The following DGKB variants were observed in gnomAD, a reference collection of about 807,000 sequenced individuals.
DGKB encodes diacylglycerol kinase beta, also known as 90 kDa diacylglycerol kinase.
In DGKB, 67 loss-of-function variants were observed where a neutral mutation model predicts 114.3. The observed-to-expected ratio is 0.59, with a 90% confidence interval of 0.48 to 0.72. The LOEUF (loss-of-function observed/expected upper bound fraction) is 0.72, where lower values mean the gene tolerates loss of function less well. Ranked by LOEUF, DGKB falls within the 30% of genes least tolerant of loss-of-function variation. DGKB has a pLI of 0.00. For synonymous variants in DGKB, 398 were observed against 323.1 expected (o/e 1.23, Z -2.49); for missense variants, 907 against 975.2 (o/e 0.93, Z 0.93).
intron 4 of DGKB, chr7:14,750,120 A>T (rs764653875): frequency 3.9e-6 from 2 of 518,256 alleles, no homozygotes; most frequent in Non-Finnish European, 7.7e-6. Context: ...TAAGGCTCAG[A>T]AAAGTTCCTT....
At chr7:14,285,033 TA>T (rs5882438) in intron 23 of DGKB, among the ~76,000 whole-genome samples, 114,879 of 151,670 alleles carry the variant, frequency 0.76, 44,393 homozygotes, top group South Asian at 0.85. Context: ...AAAAAAATAA[TA>T]AAAAAAAGAA....
At chr7:14,251,590 G>T (rs1050717877) in intron 23 of DGKB, among the ~76,000 whole-genome samples, 1 of 152,018 alleles carries the variant, frequency 6.6e-6, no homozygotes, top group Non-Finnish European at 1.5e-5. Context: ...TACCTTTATA[G>T]GGAGTTTTAT....
At chr7:14,603,435 G>A (rs1295682013) in intron 17 of DGKB, among the ~76,000 whole-genome samples, 1 of 152,038 alleles carries the variant, frequency 6.6e-6, no homozygotes, top group African/African-American at 2.4e-5. Context: ...AGAGGCATAT[G>A]TAAAAGGTCA....
chr7:14,177,581 T>C (rs1418448077), intron 24 of DGKB, among the ~76,000 whole-genome samples: 2 of 105,994 alleles, frequency 1.9e-5, no homozygotes, highest in Non-Finnish European at 4.0e-5. Context: ...AAAAAAAAAA[T>C]TGGGGGGAAA....
At chr7:14,362,347 C>G (rs972429095) in intron 21 of DGKB, among the ~76,000 whole-genome samples, 1 of 151,960 alleles carries the variant, frequency 6.6e-6, no homozygotes, top group Non-Finnish European at 1.5e-5. Context: ...TCATTTGAGA[C>G]AGATGAGAAC....
chr7:14,177,554 CAAAAAAA>C (rs56019837), intron 24 of DGKB, among the ~76,000 whole-genome samples: 30 of 69,022 alleles, frequency 4.3e-4, no homozygotes, highest in African/African-American at 1.6e-3. Flanking sequence ...AACTCCGTCT[CAAAAAAA>C]AAAAAAAAAA....
At chr7:14,302,426 G>A (rs1428124931) in intron 23 of DGKB, among the ~76,000 whole-genome samples, 1 of 152,034 alleles carries the variant, frequency 6.6e-6, no homozygotes, top group East Asian at 1.9e-4. Flanking sequence ...ATGTTAAATT[G>A]TAAGTTAGAT....
chr7:14,582,939 C>G, intron 18 of DGKB, 113 bp downstream of exon 18: 1 of 769,752 alleles, frequency 1.3e-6, no homozygotes, highest in South Asian at 1.5e-5. Context: ...TTCCAGATGT[C>G]CAATTATATC....
chr7:14,556,584 A>AT (rs903833164), intron 20 of DGKB, among the ~76,000 whole-genome samples: 39 of 151,982 alleles, frequency 2.6e-4, no homozygotes, highest in African/African-American at 9.2e-4. Flanking sequence ...AAAAGCTTAA[A>AT]TTTTTTTCAA....
chr7:14,958,472 CA>C, intron 1 of DGKB, among the ~76,000 whole-genome samples: 1 of 149,354 alleles, frequency 6.7e-6, no homozygotes, highest in East Asian at 1.9e-4. Context: ...CACACACACA[CA>C]CACCCCGTCC....
chr7:14,911,793 C>G (rs1474282539), intron 1 of DGKB, among the ~76,000 whole-genome samples: 2 of 151,996 alleles, frequency 1.3e-5, no homozygotes, highest in African/African-American at 4.8e-5. Context: ...AGATGGGAGA[C>G]CAAAGATGTG....
At chr7:14,400,037 T>TA (rs1822851668) in intron 21 of DGKB, among the ~76,000 whole-genome samples, 3 of 151,868 alleles carry the variant, frequency 2.0e-5, no homozygotes, top group Admixed American at 1.3e-4. Context: ...AGACTATCCA[T>TA]AAAAAAGCAT....
intron 17 of DGKB, among the ~76,000 whole-genome samples, chr7:14,602,681 C>A (rs1047545983): frequency 5.9e-5 from 9 of 152,212 alleles, no homozygotes; most frequent in Non-Finnish European, 1.0e-4. Flanking sequence ...GATACCAAAT[C>A]TCCTGGCCCC....
chr7:14,824,564 G>A (rs879649565), intron 2 of DGKB, among the ~76,000 whole-genome samples: 4 of 151,914 alleles, frequency 2.6e-5, no homozygotes, highest in Non-Finnish European at 5.9e-5. Flanking sequence ...TAATATAGTT[G>A]AAAAAATAAT....
At chr7:14,816,435 T>G (rs965605446) in intron 2 of DGKB, 2 of 152,228 alleles carry the variant, frequency 1.3e-5, no homozygotes, top group African/African-American at 4.8e-5. Context: ...CTCTTCTCCA[T>G]GTTGAATCCT....
chr7:14,736,017 AAT>A lies in DGKB; in HGVS notation c.322+22_322+23del, dbSNP rs757559144. ...TAGCCTTTGAAATTTGTACTATATA[AAT>A]GTTTAAAGTAAGTAAACTTACCGCC... On this transcript the variant is annotated intron_variant, in intron 5 of 25. Transcript: ENST00000402815. 10 of 1,460,880 alleles carry A rather than the reference AAT, an allele frequency of 6.8e-6. No homozygotes were observed. In the Admixed American group the frequency reaches 2.3e-4, roughly 33 times the overall value. 90.5% of individuals were successfully genotyped at this position (1,460,880 alleles called of 1,614,324 possible).
intron 2 of DGKB, among the ~76,000 whole-genome samples, chr7:14,776,332 C>G (rs1838177473): frequency 6.6e-6 from 1 of 152,170 alleles, no homozygotes; most frequent in South Asian, 2.1e-4. Flanking sequence ...GTATAAGTAA[C>G]AAGGAGCTGA....
intron 2 of DGKB, among the ~76,000 whole-genome samples, chr7:14,782,539 A>G (rs1182912387): frequency 6.6e-6 from 1 of 152,200 alleles, no homozygotes; most frequent in Non-Finnish European, 1.5e-5. Flanking sequence ...TAAGAAACCA[A>G]AAGAAATATT....
intron 20 of DGKB, among the ~76,000 whole-genome samples, chr7:14,494,527 A>T (rs1785029905): frequency 6.6e-6 from 1 of 151,926 alleles, no homozygotes; most frequent in Admixed American, 6.6e-5. Flanking sequence ...TCAAATAAGC[A>T]GTATTTATGG....
Sources: gnomAD v4.1 joint callset for allele counts (sites outside exome capture counted in the v4.1 genomes callset) on GRCh38, gnomAD v4.1.1 for gene constraint, MANE v1.5 for transcripts, NCBI Gene and HGNC (gene_info 2026-07-23, HGNC 2026-07-21) for gene names.